LUC7L2: variants seen among roughly 807,000 people sequenced by gnomAD.
LUC7L2 encodes the protein putative RNA-binding protein Luc7-like 2.
In LUC7L2, 25 loss-of-function variants were observed where a neutral mutation model predicts 52.8. The observed-to-expected ratio is 0.47, with a 90% CI of 0.34 to 0.66. The LOEUF (loss-of-function observed/expected upper bound fraction) is 0.66, where lower values mean the gene tolerates loss of function less well. Ranked by LOEUF, LUC7L2 falls within the 30% of genes least tolerant of loss-of-function variation. LUC7L2 has a pLI of 0.01. For missense variants in LUC7L2, 328 were observed against 497.8 expected, an observed-to-expected ratio of 0.66 and a Z score of 3.25; for synonymous variants, 144 against 160.9, an observed-to-expected ratio of 0.89 and a Z score of 0.80.
Position 139,409,624 on chromosome 7 carries a change from G to A in LUC7L2, c.749G>A (p.Arg250Lys). 2 of 1,611,364 alleles carry A rather than the reference G, an allele frequency of 1.2e-6. No homozygotes were observed. Among genetic ancestry groups the A allele is most frequent in the Non-Finnish European group, 8.5e-7 (1 of 1,178,430 alleles). The change falls in exon 7 of 10, where the codon AGA (arginine) becomes AAA (lysine). Residue 250 changes from arginine to lysine, a missense_variant. Around this residue, in one of 2 missense-constraint regions of LUC7L2, gnomAD observed 195 missense variants for 223.3 expected, o/e 0.87. Coordinates refer to ENST00000354926, the MANE Select transcript of LUC7L2 (RefSeq NM_016019.5). Reference sequence around the variant, plus strand: ...GAACGGCTGAAACGAAGAGAAGAGAGAGAGAGAGAAGAAAGGGAGAAGCTG... The same window carrying A: ...GAACGGCTGAAACGAAGAGAAGAGAAAGAGAGAGAAGAAAGGGAGAAGCTG... ...NQERLKRREE[R>K]EREEREKLRR...
chr7:139,356,271 C>T (rs1393373858), upstream of LUC7L2, among the ~76,000 whole-genome samples: 4 of 144,782 alleles, frequency 2.8e-5, no homozygotes, highest in Admixed American at 2.9e-4. Context: ...GGCGAGATCT[C>T]GCCACTGCAC....
chr7:139,379,477 A>T (rs1800877021), intron 2 of LUC7L2, among the ~76,000 whole-genome samples: 1 of 140,756 alleles, frequency 7.1e-6, no homozygotes, highest in Non-Finnish European at 1.5e-5. Flanking sequence ...TTAGTTTGGA[A>T]TTTTTTGCAA....
At chr7:139,354,160 A>G (rs1192675232) in intron 1 of LUC7L2, among the ~76,000 whole-genome samples, 1 of 152,190 alleles carries the variant, frequency 6.6e-6, no homozygotes, top group Non-Finnish European at 1.5e-5. Context: ...CAAACTTCCA[A>G]TTCTGTTAAT....
At position 139,422,168 on chromosome 7, in the gene LUC7L2, CAAAA is replaced by C. The variant is rs1795936110; in HGVS notation, c.1008_1011del (p.Glu338AspfsTer7). ...CTCAAATTAATATTTTTCAGATCCT[CAAAA>C]GAAAGATTCAGAGACCAAGACTTAG... On this transcript the variant is annotated frameshift_variant, in exon 10 of 10. Transcript: ENST00000354926. LOFTEE classifies it high-confidence loss of function. The C allele has an allele frequency of 6.3e-7, 1 of 1,590,144 alleles. No homozygotes were observed. Among genetic ancestry groups the C allele is most frequent in the Non-Finnish European group, 8.5e-7 (1 of 1,173,688 alleles).
chr7:139,353,752 C>T (rs761513866), intron 1 of LUC7L2, among the ~76,000 whole-genome samples: 2 of 151,744 alleles, frequency 1.3e-5, no homozygotes, highest in Non-Finnish European at 2.9e-5. Context: ...TAGATTGCGC[C>T]ACTGCACTCC....
chr7:139,366,181 A>G (rs1403126718), intron 1 of LUC7L2, among the ~76,000 whole-genome samples: 1 of 152,248 alleles, frequency 6.6e-6, no homozygotes, highest in Non-Finnish European at 1.5e-5. Flanking sequence ...CTTCTTTCCA[A>G]AAAGCACTCA....
At chr7:139,414,414 A>G (rs961219291) in intron 8 of LUC7L2, among the ~76,000 whole-genome samples, 2 of 152,228 alleles carry the variant, frequency 1.3e-5, no homozygotes, top group Non-Finnish European at 2.9e-5. Context: ...AAAGTTTACA[A>G]ATTTGTGTTG....
rs559298392 is a variant in LUC7L2, at chr7:139,376,835, TA to T, written c.156+680del. The stretch of plus-strand genomic sequence containing the variant: ...GCATCTGATGCTGGTGGGGAGCTAG[TA>T]GGGGCTAAACCTCGAGCTGGCTTTA... On this transcript the variant is annotated intron_variant, in intron 2 of 9. Coordinates refer to ENST00000354926, the MANE Select transcript of LUC7L2 (RefSeq NM_016019.5). 2.0e-5 allele frequency among the ~76,000 whole-genome samples: 3 copies of T among 152,326 alleles called. No homozygotes were observed. The South Asian group carries it at 6.2e-4, about 32-fold the overall frequency.
At chr7:139,356,629 AAGTC>A (rs916641653), upstream of LUC7L2, among the ~76,000 whole-genome samples, 14 of 151,492 alleles carry the variant, frequency 9.2e-5, no homozygotes, top group Non-Finnish European at 1.3e-4. Flanking sequence ...AAAAAAAAAA[AAGTC>A]AGATAGTAAA....
At chr7:139,411,169 A>G (rs1795344771) in intron 7 of LUC7L2, among the ~76,000 whole-genome samples, 1 of 152,230 alleles carries the variant, frequency 6.6e-6, no homozygotes, top group African/African-American at 2.4e-5. Flanking sequence ...GTAGATGATG[A>G]AAAAGTATAT....
intron 2 of LUC7L2, among the ~76,000 whole-genome samples, chr7:139,391,962 A>G (rs542773780): frequency 6.6e-6 from 1 of 152,294 alleles, no homozygotes; most frequent in South Asian, 2.1e-4. Flanking sequence ...AGAAAGTTCA[A>G]ACAACCCTCA....
chr7:139,367,724 T>A (rs1241499695), intron 1 of LUC7L2, among the ~76,000 whole-genome samples: 1 of 152,186 alleles, frequency 6.6e-6, no homozygotes, highest in Non-Finnish European at 1.5e-5. Context: ...TACAAGCCTG[T>A]GAGACAGAGA....
At chr7:139,386,000 A>G (rs1328280128) in intron 2 of LUC7L2, among the ~76,000 whole-genome samples, 1 of 152,186 alleles carries the variant, frequency 6.6e-6, no homozygotes, top group Non-Finnish European at 1.5e-5. Context: ...GAAAACTTGA[A>G]AACAATAATT....
chr7:139,352,429 A>C (rs1799486073), intron 1 of LUC7L2, among the ~76,000 whole-genome samples: 1 of 152,238 alleles, frequency 6.6e-6, no homozygotes, highest in Admixed American at 6.5e-5. Flanking sequence ...TGGGAGGTTG[A>C]GACTGCAGCA....
chr7:139,401,110 G>A (rs1794893937), intron 3 of LUC7L2, among the ~76,000 whole-genome samples: 2 of 152,108 alleles, frequency 1.3e-5, no homozygotes, highest in South Asian at 2.1e-4. Flanking sequence ...CCTCACAAAT[G>A]TCTTATATAA....
In LUC7L2 at chr7:139,374,921, G is replaced by A. The variant is rs147259138; in HGVS notation, c.62-1141G>A. The A allele has an allele frequency of 5.1e-4, 509 of 991,802 alleles. 2 individuals carry two copies. In the African/African-American group the frequency reaches 8.2e-3, roughly 16 times the overall value. 61.4% of individuals were successfully genotyped at this position (991,802 alleles called of 1,614,324 possible). On this transcript the variant is annotated intron_variant, in intron 1 of 9. Transcript: ENST00000354926. ...TAAGTGATTGAATCACATCCTACAC[G>A]AAAGTTTTTGGAGTGCTCCAGGCAT...
intron 2 of LUC7L2, among the ~76,000 whole-genome samples, chr7:139,383,691 C>T (rs1794059261): frequency 6.6e-6 from 1 of 151,186 alleles, no homozygotes; most frequent in East Asian, 2.1e-4. Context: ...GCTGGGATTA[C>T]AGATGAAAGC....
intron 1 of LUC7L2, among the ~76,000 whole-genome samples, chr7:139,368,712 T>C (rs572790575): frequency 1.4e-4 from 19 of 138,562 alleles, no homozygotes; most frequent in Non-Finnish European, 2.1e-4. Flanking sequence ...CACTCCAGCC[T>C]GGGCGACAGA....
intron 1 of LUC7L2, among the ~76,000 whole-genome samples, chr7:139,360,600 C>T (rs986778571): frequency 1.3e-5 from 2 of 152,240 alleles, no homozygotes; most frequent in South Asian, 2.1e-4. Context: ...TTGGCTGAGA[C>T]GGGAGAGCCC....
Sources: gnomAD v4.1 joint callset for allele counts (sites outside exome capture counted in the v4.1 genomes callset) on GRCh38, gnomAD v4.1.1 for gene constraint, gnomAD v4.1.1 regional missense constraint, MANE v1.5 for transcripts, NCBI Gene and HGNC (gene_info 2026-07-23, HGNC 2026-07-21) for gene names.